The following SNRK variants were observed in gnomAD, a reference collection of about 807,000 sequenced individuals.
SNRK encodes the protein SNF-related serine/threonine-protein kinase.
A neutral mutation model predicts 48.2 loss-of-function variants in SNRK; 3 were observed. That is an observed-to-expected ratio of 0.06 (90% CI 0.03 to 0.16). SNRK has a LOEUF of 0.16. Ranked by LOEUF, SNRK falls within the 10% of genes least tolerant of loss-of-function variation. SNRK has a pLI of 1.00. For synonymous variants in SNRK, 376 were observed against 366.1 expected, an observed-to-expected ratio of 1.03 and a Z score of -0.31; for missense variants, 627 against 976.0, an observed-to-expected ratio of 0.64 and a Z score of 4.76.
At chr3:43,330,759 A>T (rs2091140044) in intron 3 of SNRK, among the ~76,000 whole-genome samples, 1 of 152,206 alleles carries the variant, frequency 6.6e-6, no homozygotes, top group South Asian at 2.1e-4. Context: ...CATGCATTCA[A>T]AAAGCAATGT....
At chr3:43,287,259 T>G (rs2090773146) in intron 1 of SNRK, among the ~76,000 whole-genome samples, 1 of 152,172 alleles carries the variant, frequency 6.6e-6, no homozygotes, top group Admixed American at 6.5e-5. Flanking sequence ...AGAGCTAGAA[T>G]TTTTGCAGAC....
At chr3:43,342,729 C>T (rs1263438110) in intron 5 of SNRK, among the ~76,000 whole-genome samples, 2 of 152,222 alleles carry the variant, frequency 1.3e-5, no homozygotes, top group Admixed American at 1.3e-4. Flanking sequence ...TGTGTCCCAG[C>T]ACCGTGTCTA....
chr3:43,348,609 C>G lies in SNRK; in HGVS notation c.*52C>G. ...GCTTCCTGCTCAGAGCAGTGAAGAC[C>G]GGCTCACTTCACTGTTCCATTTGGT... On this transcript the variant is annotated 3_prime_UTR_variant, in exon 7 of 7. Coordinates refer to ENST00000296088, the MANE Select transcript of SNRK (RefSeq NM_017719.5). The G allele has an allele frequency of 1.4e-6, 2 of 1,455,394 alleles. No homozygotes were observed. The highest frequency in any genetic ancestry group is 1.8e-6 in the Non-Finnish European group (2 of 1,107,012). 90.2% of individuals were successfully genotyped at this position (1,455,394 alleles called of 1,614,324 possible).
intron 5 of SNRK, among the ~76,000 whole-genome samples, chr3:43,341,375 TCTC>T (rs2091236377): frequency 6.6e-6 from 1 of 152,136 alleles, no homozygotes. Flanking sequence ...ATGGTCTCGA[TCTC>T]CTGACCTCGT....
chr3:43,310,919 A>G (rs943216600), intron 3 of SNRK, among the ~76,000 whole-genome samples: 1 of 151,330 alleles, frequency 6.6e-6, no homozygotes, highest in African/African-American at 2.4e-5. Context: ...CTCTCATTGT[A>G]CTCAATTTTT....
intron 3 of SNRK, among the ~76,000 whole-genome samples, chr3:43,317,756 A>T (rs1171963207): frequency 6.6e-6 from 1 of 151,912 alleles, no homozygotes; most frequent in Non-Finnish European, 1.5e-5. Context: ...TCTTGCCCAC[A>T]TGTCACCCCT....
intron 3 of SNRK, among the ~76,000 whole-genome samples, chr3:43,317,914 A>G (rs867087306): frequency 6.6e-6 from 1 of 152,338 alleles, no homozygotes; most frequent in African/African-American, 2.4e-5. Context: ...TGAGGGGATT[A>G]GATGAATGAA....
chr3:43,318,247 C>G (rs961405013), intron 3 of SNRK, among the ~76,000 whole-genome samples: 4 of 152,206 alleles, frequency 2.6e-5, no homozygotes, highest in Admixed American at 2.6e-4. Context: ...CTGTGGTTTT[C>G]TCACATGTTT....
At chr3:43,342,756 G>A (rs532428300) in intron 5 of SNRK, among the ~76,000 whole-genome samples, 13 of 152,150 alleles carry the variant, frequency 8.5e-5, no homozygotes, top group East Asian at 1.9e-4. Context: ...CTAGGTACTC[G>A]GTGAACATTA....
At chr3:43,314,772 T>C (rs1184813036) in intron 3 of SNRK, among the ~76,000 whole-genome samples, 1 of 152,134 alleles carries the variant, frequency 6.6e-6, no homozygotes, top group Non-Finnish European at 1.5e-5. Context: ...AAGTCAGGCC[T>C]CGTAGTGTGT....
chr3:43,307,989 G>A (rs1490349353), intron 3 of SNRK, among the ~76,000 whole-genome samples: 2 of 152,212 alleles, frequency 1.3e-5, no homozygotes, highest in Non-Finnish European at 2.9e-5. Flanking sequence ...TGGTAAGAAA[G>A]TGAAACAGCC....
chr3:43,323,725 T>C (rs2089436457), intron 3 of SNRK, among the ~76,000 whole-genome samples: 1 of 152,164 alleles, frequency 6.6e-6, no homozygotes, highest in African/African-American at 2.4e-5. Context: ...ATCTACACAA[T>C]GGAATACTAC....
chr3:43,325,408 A>G (rs1038835006), intron 3 of SNRK, among the ~76,000 whole-genome samples: 1 of 151,940 alleles, frequency 6.6e-6, no homozygotes, highest in East Asian at 1.9e-4. Context: ...CTCGTGATCC[A>G]CCCGCCTTGG....
At chr3:43,293,115 C>CT (rs1017271884) in intron 1 of SNRK, among the ~76,000 whole-genome samples, 6 of 151,780 alleles carry the variant, frequency 4.0e-5, no homozygotes, top group Non-Finnish European at 7.4e-5. Flanking sequence ...TCTTTTTCTT[C>CT]TTTTTTTGAG....
At chr3:43,306,765 A>C (rs2090941211) in intron 3 of SNRK, among the ~76,000 whole-genome samples, 1 of 152,208 alleles carries the variant, frequency 6.6e-6, no homozygotes, top group Non-Finnish European at 1.5e-5. Context: ...TGTCCTTGCT[A>C]AAATTTGTCT....
intron 3 of SNRK, among the ~76,000 whole-genome samples, chr3:43,314,203 T>G (rs1361654074): frequency 6.6e-6 from 1 of 152,228 alleles, no homozygotes; most frequent in East Asian, 1.9e-4. Flanking sequence ...TTTTTCTGAT[T>G]CATAATGCCT....
intron 5 of SNRK, among the ~76,000 whole-genome samples, chr3:43,341,373 G>T (rs369069982): frequency 6.6e-6 from 1 of 152,026 alleles, no homozygotes; most frequent in Admixed American, 6.6e-5. Context: ...GGATGGTCTC[G>T]ATCTCCTGAC....
chr3:43,347,718 A>T lies in SNRK; in HGVS notation c.1459A>T (p.Asn487Tyr), dbSNP rs2091288366. 6.2e-7 allele frequency: 1 copy of T among 1,613,964 alleles called. No homozygotes were observed. Among genetic ancestry groups the T allele is most frequent in the Non-Finnish European group, 8.5e-7 (1 of 1,180,022 alleles). Residue 487 changes from asparagine (N) to tyrosine (Y), a missense_variant, in exon 7 of 7, where the codon AAC becomes TAC. Physicochemically the swap from Asn to Tyr is moderately radical, Grantham distance 143 (BLOSUM62 -2). Coordinates refer to ENST00000296088, the MANE Select transcript of SNRK (RefSeq NM_017719.5). This position sits in a 1 kb window ranked among gnomAD's most constrained non-coding sequence, Gnocchi z 5.4. Reference protein sequence around the residue: ...LTSRKSAPVLNQIFEEGESDD... With the variant: ...LTSRKSAPVLYQIFEEGESDD... ...ATCCAGGAAGAGTGCGCCCGTCCTC[A>T]ACCAGATCTTTGAGGAAGGGGAATC...
chr3:43,320,828 A>G (rs2091048057), intron 3 of SNRK, among the ~76,000 whole-genome samples: 1 of 151,880 alleles, frequency 6.6e-6, no homozygotes, highest in African/African-American at 2.4e-5. Context: ...AGATTCTTAT[A>G]TGAATTTTTG....
Sources: allele counts gnomAD v4.1 joint callset (sites outside exome capture counted in the v4.1 genomes callset), GRCh38; gene constraint gnomAD v4.1.1; non-coding constraint Gnocchi (gnomAD v3.1); transcripts MANE v1.5; gene names NCBI Gene and HGNC (gene_info 2026-07-23, HGNC 2026-07-21).